Variants in ACYP2 observed in about 807,000 individuals in gnomAD.
The protein encoded by ACYP2 is acylphosphatase 2, also known as acylphosphatase-2.
ACYP2 carries 12 observed loss-of-function variants against 11.2 expected under a neutral mutation model. The ratio of observed to expected loss-of-function variants is 1.08; its 90% CI spans 0.69 to 1.74. The LOEUF is 1.74. ACYP2 is among the 40% of genes most tolerant of loss of function. The pLI is 0.00. For missense variants in ACYP2, 134 were observed against 101.9 expected, an observed-to-expected ratio of 1.31 and a Z score of -1.35; for synonymous variants, 43 against 32.2, an observed-to-expected ratio of 1.33 and a Z score of -1.13.
intron 6 of ACYP2, among the ~76,000 whole-genome samples, chr2:54,215,060 C>T (rs1471320668): frequency 6.6e-6 from 1 of 152,052 alleles, no homozygotes; most frequent in Admixed American, 6.6e-5. Context: ...TTGGATGTTA[C>T]TGACACATAG....
intron 2 of ACYP2, among the ~76,000 whole-genome samples, chr2:54,018,433 TTTG>T: frequency 6.6e-6 from 1 of 152,294 alleles, no homozygotes; most frequent in East Asian, 1.9e-4. Context: ...TGATGTCTTT[TTTG>T]TTTTGACAGT....
chr2:54,029,330 A>T (rs945899855), intron 2 of ACYP2, among the ~76,000 whole-genome samples: 2 of 151,942 alleles, frequency 1.3e-5, no homozygotes, highest in African/African-American at 4.8e-5. Flanking sequence ...CTCACTGTTG[A>T]TGTTTACCTT....
intron 4 of ACYP2, among the ~76,000 whole-genome samples, chr2:54,125,039 C>T (rs1282945413): frequency 6.6e-6 from 1 of 152,084 alleles, no homozygotes; most frequent in African/African-American, 2.4e-5. Context: ...AGGCATGAGC[C>T]ACCATGCCCT....
intron 2 of ACYP2, among the ~76,000 whole-genome samples, chr2:54,026,451 C>T (rs1444288917): frequency 6.6e-6 from 1 of 152,150 alleles, no homozygotes; most frequent in Non-Finnish European, 1.5e-5. Context: ...CACTTTTACA[C>T]TGCTGGTGGG....
At chr2:54,074,783 T>A (rs139455350) in intron 4 of ACYP2, among the ~76,000 whole-genome samples, 1 of 152,210 alleles carries the variant, frequency 6.6e-6, no homozygotes, top group Non-Finnish European at 1.5e-5. Flanking sequence ...GATGAGTCAA[T>A]GTTGCACTTG....
At chr2:54,012,373 C>T (rs928146329) in intron 2 of ACYP2, among the ~76,000 whole-genome samples, 1 of 152,062 alleles carries the variant, frequency 6.6e-6, no homozygotes. Flanking sequence ...AAACATTAGC[C>T]AGGCATGGTG....
At chr2:53,975,413 T>C (rs1671422176) in intron 2 of ACYP2, 1 of 394,642 alleles carries the variant, frequency 2.5e-6, no homozygotes, top group Admixed American at 4.4e-5. Flanking sequence ...AGAAGACCTT[T>C]CTTTCGGGGA....
Position 54,304,974 on chromosome 2 carries a change from T to A in ACYP2, c.*172T>A. The A allele has an allele frequency of 4.8e-6, 2 of 413,976 alleles. No individual in the cohort carries two copies. The highest frequency in any genetic ancestry group is 8.5e-6 in the Non-Finnish European group (2 of 234,504). 25.6% of individuals were successfully genotyped at this position (413,976 alleles called of 1,614,324 possible). A position where few individuals can be genotyped will look rare whatever the true frequency, so the allele number is the denominator to read the frequency against. On this transcript the variant is annotated 3_prime_UTR_variant, in exon 7 of 7. Transcript: ENST00000607452. ...ACACTGAAATAATTTTACTCAACTA[T>A]GTTTTCAACAAGCAAAAATATAGTA...
rs538043811 is a variant in ACYP2 at position 54,182,784 on chromosome 2, G to GT, written c.404+44045dup. On this transcript the variant is annotated intron_variant, in intron 6 of 6. Transcript: ENST00000607452. ...CAGTTTGTTTAACCAAGTGGAAGTT[G>GT]TTTTTTTTTCTTTTTCTTGGCTTAT... 2.6e-4 allele frequency among the ~76,000 whole-genome samples: 39 copies of GT among 151,352 alleles called. 1 individual carries two copies. Among genetic ancestry groups the GT allele is most frequent in the Admixed American group, 9.2e-4 (14 of 15,148 alleles).
chr2:54,106,286 C>T (rs917502797), intron 4 of ACYP2, among the ~76,000 whole-genome samples: 1 of 151,916 alleles, frequency 6.6e-6, no homozygotes, highest in Non-Finnish European at 1.5e-5. Context: ...ATGGGTTGCC[C>T]AGGCTGGCCT....
chr2:54,285,523 G>T (rs1392160742), intron 6 of ACYP2, among the ~76,000 whole-genome samples: 1 of 152,168 alleles, frequency 6.6e-6, no homozygotes, highest in Non-Finnish European at 1.5e-5. Context: ...TGTCTAAAAA[G>T]CATCTCATGC....
At chr2:54,257,310 AT>A (rs1432698373) in intron 6 of ACYP2, among the ~76,000 whole-genome samples, 1 of 152,202 alleles carries the variant, frequency 6.6e-6, no homozygotes, top group African/African-American at 2.4e-5. Context: ...TGGGGTCACA[AT>A]TTCTTTTTTT....
At chr2:54,299,837 C>A (rs892696705) in intron 6 of ACYP2, among the ~76,000 whole-genome samples, 1 of 152,160 alleles carries the variant, frequency 6.6e-6, no homozygotes, top group Non-Finnish European at 1.5e-5. Context: ...AGGACAGGCA[C>A]CTGAAGAGCA....
intron 2 of ACYP2, among the ~76,000 whole-genome samples, chr2:54,038,310 T>G (rs529427549): frequency 6.6e-6 from 1 of 152,216 alleles, no homozygotes; most frequent in Non-Finnish European, 1.5e-5. Context: ...TAAGGGTAAG[T>G]TGACCCTTTT....
At position 54,202,227 on chromosome 2, in the gene ACYP2, G is replaced by T. The variant is rs183321145; in HGVS notation, c.404+63479G>T. On this transcript the variant is annotated intron_variant, in intron 6 of 6. Transcript: ENST00000607452. ...AGGTTCAAGCAGTTCTCCTGCCTTGGCATCCCAAGTAGCTGGGACTACAGG... is the reference window on the plus strand; with the variant it reads ...AGGTTCAAGCAGTTCTCCTGCCTTGTCATCCCAAGTAGCTGGGACTACAGG... Among the ~76,000 whole-genome samples the T allele has an allele frequency of 3.9e-5, 6 of 152,134 alleles. No homozygotes were observed. In the East Asian group the frequency reaches 9.7e-4, roughly 25 times the overall value.
At chr2:53,981,148 G>A (rs1164463173) in intron 2 of ACYP2, among the ~76,000 whole-genome samples, 1 of 152,114 alleles carries the variant, frequency 6.6e-6, no homozygotes, top group Non-Finnish European at 1.5e-5. Flanking sequence ...ATTGCCTGTA[G>A]TATTCAGTAC....
intron 4 of ACYP2, among the ~76,000 whole-genome samples, chr2:54,094,536 G>A (rs1678412284): frequency 7.2e-6 from 1 of 139,522 alleles, no homozygotes; most frequent in African/African-American, 2.7e-5. Context: ...GCCCAGTTGT[G>A]TGTGTGTGTG....
chr2:54,275,410 T>C (rs1383314393), intron 6 of ACYP2, among the ~76,000 whole-genome samples: 2 of 152,210 alleles, frequency 1.3e-5, no homozygotes, highest in East Asian at 1.9e-4. Flanking sequence ...GGCTATTTCA[T>C]AGAGGTAAAA....
intron 4 of ACYP2, among the ~76,000 whole-genome samples, chr2:54,126,394 A>G (rs1351921542): frequency 6.6e-6 from 1 of 152,186 alleles, no homozygotes; most frequent in Non-Finnish European, 1.5e-5. Flanking sequence ...AAGTCTTTTG[A>G]TGAGATTGAT....
Sources: allele counts gnomAD v4.1 joint callset (sites outside exome capture counted in the v4.1 genomes callset), GRCh38; gene constraint gnomAD v4.1.1; transcripts MANE v1.5; gene names NCBI Gene and HGNC (gene_info 2026-07-23, HGNC 2026-07-21).